The following ADNP variants were observed in gnomAD, a reference collection of about 807,000 sequenced individuals.
The protein encoded by ADNP is activity dependent neuroprotector homeobox.
In ADNP, 4 loss-of-function variants were observed where a neutral mutation model predicts 84.9. The observed-to-expected ratio is 0.05, with a 90% CI of 0.02 to 0.11. The LOEUF (loss-of-function observed/expected upper bound fraction) is 0.11, where lower values mean the gene tolerates loss of function less well. Among genes scored for constraint, ADNP ranks in the 10% least tolerant of loss-of-function variants. ADNP has a pLI of 1.00. For synonymous variants in ADNP, 554 were observed against 468.1 expected (o/e 1.18, Z -2.37); for missense variants, 1,132 against 1,326.0 (o/e 0.85, Z 2.27).
intron 2 of ADNP, among the ~76,000 whole-genome samples, chr20:50,919,708 G>C (rs183775194): frequency 6.6e-6 from 1 of 152,310 alleles, no homozygotes; most frequent in African/African-American, 2.4e-5. Flanking sequence ...ATTAACTTAG[G>C]TGAAGAATCT....
chr20:50,928,536 G>A (rs1390401324), intron 2 of ADNP, 115 bp downstream of exon 2: 3 of 152,214 alleles, frequency 2.0e-5, no homozygotes, highest in East Asian at 1.9e-4. Context: ...GGTTCCTTGA[G>A]GAATGTGGCT....
At chr20:50,918,953 A>G (rs1983719207) in intron 2 of ADNP, among the ~76,000 whole-genome samples, 1 of 152,208 alleles carries the variant, frequency 6.6e-6, no homozygotes, top group Non-Finnish European at 1.5e-5. Flanking sequence ...TACCAATTAT[A>G]CAAAAATTAT....
intron 5 of ADNP, among the ~76,000 whole-genome samples, chr20:50,899,635 C>T (rs186823460): frequency 6.6e-6 from 1 of 152,178 alleles, no homozygotes; most frequent in East Asian, 1.9e-4. Flanking sequence ...ACTGCCATCA[C>T]AGGAAATGAT....
chr20:50,896,181 C>T (rs927791751), intron 5 of ADNP, among the ~76,000 whole-genome samples: 19 of 152,164 alleles, frequency 1.2e-4, no homozygotes, highest in Non-Finnish European at 8.8e-5. Flanking sequence ...GCCAAGATCA[C>T]AGCACAGCAC....
intron 5 of ADNP, among the ~76,000 whole-genome samples, chr20:50,896,463 C>T (rs893848632): frequency 2.0e-5 from 3 of 151,996 alleles, no homozygotes; most frequent in Non-Finnish European, 2.9e-5. Flanking sequence ...TGGTGGCAGG[C>T]GCCTCTAATT....
intron 5 of ADNP, among the ~76,000 whole-genome samples, chr20:50,901,758 G>T (rs1982008081): frequency 6.6e-6 from 1 of 152,212 alleles, no homozygotes. Context: ...TAGGGGAAAT[G>T]GTGGGATACA....
chr20:50,904,062 T>C, intron 3 of ADNP, 61 bp from the exon 4 acceptor site: 2 of 1,275,548 alleles, frequency 1.6e-6, no homozygotes, highest in Non-Finnish European at 2.2e-6. Context: ...TATTTACTAA[T>C]TCCACTGATG....
At chr20:50,901,431 A>C (rs952090425) in intron 5 of ADNP, among the ~76,000 whole-genome samples, 3 of 152,132 alleles carry the variant, frequency 2.0e-5, no homozygotes, top group African/African-American at 7.2e-5. Flanking sequence ...ATCACTCCTA[A>C]AATAGGTAAT....
At chr20:50,905,200 T>C (rs1982352964) in intron 2 of ADNP, 1 of 152,212 alleles carries the variant, frequency 6.6e-6, no homozygotes, top group Admixed American at 6.5e-5. Flanking sequence ...CAGCTGAGAA[T>C]ATGTATGGTT....
intron 1 of ADNP, among the ~76,000 whole-genome samples, chr20:50,930,086 T>G (rs1984577543): frequency 6.6e-6 from 1 of 151,330 alleles, no homozygotes; most frequent in African/African-American, 2.4e-5. Context: ...AAAGAAGAGG[T>G]GAATACGAGT....
chr20:50,891,496 TCCTC>T lies in ADNP; in HGVS notation c.3214_3217del (p.Glu1072MetfsTer8). 5 of 1,612,498 alleles carry T rather than the reference TCCTC, an allele frequency of 3.1e-6. No homozygotes were observed. The highest frequency in any genetic ancestry group is 4.2e-6 in the Non-Finnish European group (5 of 1,180,016). On this transcript the variant is annotated frameshift_variant, in exon 6 of 6. Transcript: ENST00000621696. LOFTEE classifies it high-confidence loss of function. ...AGTCATGTTGTCAAACTGTTCCCCA[TCCTC>T]ACTGTCAATTGTGCTATTCTGCCAC...
At position 50,889,688 on chromosome 20, in the gene ADNP, ATGGAT is replaced by A. The variant is rs1221877596; in HGVS notation, c.*1712_*1716del. The A allele has an allele frequency of 5.1e-6, 2 of 390,682 alleles. No homozygotes were observed. Among genetic ancestry groups the A allele is most frequent in the Non-Finnish European group, 9.0e-6 (2 of 221,600 alleles). The allele number at this position is 390,682 out of a possible 1,614,324, so 24.2% of individuals were successfully genotyped here. On this transcript the variant is annotated 3_prime_UTR_variant, in exon 6 of 6. Transcript: ENST00000621696. ...CTTGAGGTGACTGACCAGCCTCCTC[ATGGAT>A]TGGAGTTTCCCATCATTGTTTTAAT...
chr20:50,915,693 G>A (rs1423245413), intron 2 of ADNP, among the ~76,000 whole-genome samples: 1 of 152,130 alleles, frequency 6.6e-6, no homozygotes, highest in African/African-American at 2.4e-5. Flanking sequence ...TGGATTAGCA[G>A]ATAAAACTGT....
At chr20:50,905,131 C>G (rs1406811884) in intron 2 of ADNP, 1 of 152,078 alleles carries the variant, frequency 6.6e-6, no homozygotes, top group Non-Finnish European at 1.5e-5. Flanking sequence ...TCAACTTTCC[C>G]AAGTTCCTTA....
chr20:50,890,830 G>T lies in ADNP; in HGVS notation c.*575C>A. On this transcript the variant is annotated 3_prime_UTR_variant, in exon 6 of 6. Transcript: ENST00000621696. ...TAGCGCAGTTTTGAGCTTTTGCTAG[G>T]TAAACTAGATAGAGCGTTTATTACA... 2.4e-6 allele frequency: 2 copies of T among 825,424 alleles called. No homozygotes were observed. Among genetic ancestry groups the T allele is most frequent in the Non-Finnish European group, 2.9e-6 (2 of 684,088 alleles). 51.1% of individuals were successfully genotyped at this position (825,424 alleles called of 1,614,324 possible). A position where few individuals can be genotyped will look rare whatever the true frequency, so the allele number is the denominator to read the frequency against.
At chr20:50,930,221 C>T (rs924921826) in intron 1 of ADNP, among the ~76,000 whole-genome samples, 1 of 152,128 alleles carries the variant, frequency 6.6e-6, no homozygotes, top group Non-Finnish European at 1.5e-5. Flanking sequence ...AGGTGCTGAC[C>T]AGGCAGCTGA....
At position 50,913,250 on chromosome 20, in the gene ADNP, CAAAAAAAAAAAAAAAAAAAA is replaced by C. The variant is rs56911332; in HGVS notation, c.-89-8421_-89-8402del. Among the ~76,000 whole-genome samples, 36 of 42,902 alleles carry C rather than the reference CAAAAAAAAAAAAAAAAAAAA, an allele frequency of 8.4e-4. No homozygotes were observed. The South Asian group carries it at 0.01, about 12-fold the overall frequency. 28.1% of individuals were successfully genotyped at this position (42,902 alleles called of 152,430 possible). A position where few individuals can be genotyped will look rare whatever the true frequency, so the allele number is the denominator to read the frequency against. ...CCTGGGCAAGAGTGAGACTCTGTCT[CAAAAAAAAAAAAAAAAAAAA>C]AAAAAAAAAAAAAAAAAAGGTATCT... On this transcript the variant is annotated intron_variant, in intron 2 of 5. Transcript: ENST00000621696.
chr20:50,926,941 G>A (rs1984329913), intron 2 of ADNP, among the ~76,000 whole-genome samples: 2 of 152,066 alleles, frequency 1.3e-5, no homozygotes, highest in African/African-American at 2.4e-5. Context: ...ATAAACTTGA[G>A]TATTTTAGTT....
At chr20:50,915,576 G>A (rs1392613606) in intron 2 of ADNP, among the ~76,000 whole-genome samples, 13 of 152,052 alleles carry the variant, frequency 8.5e-5, no homozygotes, top group Admixed American at 6.5e-4. Context: ...TCCAGATGCC[G>A]GAAACTCTTC....
Sources: gnomAD v4.1 joint callset for allele counts (sites outside exome capture counted in the v4.1 genomes callset) on GRCh38, gnomAD v4.1.1 for gene constraint, MANE v1.5 for transcripts, NCBI Gene and HGNC (gene_info 2026-07-23, HGNC 2026-07-21) for gene names.